The following SMYD3 variants were observed in gnomAD, a reference collection of about 807,000 sequenced individuals.
SMYD3 encodes the protein SET and MYND domain containing 3.
A neutral mutation model predicts 57.7 loss-of-function variants in SMYD3; 36 were observed. That is an observed-to-expected ratio of 0.62 (90% CI 0.48 to 0.82). The LOEUF (loss-of-function observed/expected upper bound fraction) is 0.82, where lower values mean the gene tolerates loss of function less well. Ranked by LOEUF, SMYD3 falls within the 40% of genes least tolerant of loss-of-function variation. SMYD3 has a pLI of 0.00. For missense variants in SMYD3, 515 were observed against 538.8 expected, an observed-to-expected ratio of 0.96 and a Z score of 0.44; for synonymous variants, 211 against 195.0, an observed-to-expected ratio of 1.08 and a Z score of -0.68.
intron 5 of SMYD3, among the ~76,000 whole-genome samples, chr1:246,312,519 T>C (rs2065096248): frequency 6.6e-6 from 1 of 152,162 alleles, no homozygotes; most frequent in Non-Finnish European, 1.5e-5. Flanking sequence ...GTATTCCTGA[T>C]ATTCCTGGCA....
In SMYD3 at chr1:246,144,945, C is replaced by T. The variant is rs568727745; in HGVS notation, c.531+182256G>A. Among the ~76,000 whole-genome samples the T allele has an allele frequency of 3.3e-5, 5 of 152,206 alleles. No individual in the cohort carries two copies. In the South Asian group the frequency reaches 1.0e-3, roughly 32 times the overall value. ...CAAAAAACTTCCAGAAAGTCAACTT[C>T]CCCACCGCCTCACGAAAGCATCCTA... On this transcript the variant is annotated intron_variant, in intron 5 of 11. Transcript: ENST00000490107.
chr1:246,155,695 T>C (rs2062011267), intron 5 of SMYD3, among the ~76,000 whole-genome samples: 1 of 152,094 alleles, frequency 6.6e-6, no homozygotes, highest in Non-Finnish European at 1.5e-5. Flanking sequence ...GAACTACACA[T>C]CTCGCCAGGT....
intron 5 of SMYD3, among the ~76,000 whole-genome samples, chr1:246,066,058 T>C (rs144436293): frequency 3.7e-4 from 56 of 152,316 alleles, no homozygotes; most frequent in East Asian, 2.5e-3. Context: ...CAAGAGAACA[T>C]AGAAGAAGGA....
At chr1:245,777,755 A>G (rs1313434288) in intron 10 of SMYD3, among the ~76,000 whole-genome samples, 1 of 152,210 alleles carries the variant, frequency 6.6e-6, no homozygotes, top group Non-Finnish European at 1.5e-5. Flanking sequence ...AAGAAGAAAA[A>G]GAATAAGACA....
At chr1:245,768,842 C>A (rs12402963) in intron 10 of SMYD3, among the ~76,000 whole-genome samples, 13,122 of 152,064 alleles carry the variant, frequency 0.086, 703 homozygotes, top group Admixed American at 0.16. Flanking sequence ...CCTGCTGGCA[C>A]CTTCATCTTG....
chr1:245,865,305 G>A (rs926992595), intron 8 of SMYD3, among the ~76,000 whole-genome samples: 5 of 152,126 alleles, frequency 3.3e-5, no homozygotes, highest in African/African-American at 1.2e-4. Flanking sequence ...GGCAATGAGA[G>A]GGCACACTGT....
In SMYD3 at chr1:246,059,166, G is replaced by A. The variant is rs184291270; in HGVS notation, c.532-129229C>T. 3.3e-5 allele frequency among the ~76,000 whole-genome samples: 5 copies of A among 152,222 alleles called. No individual in the cohort carries two copies. The East Asian group carries it at 5.8e-4, about 18-fold the overall frequency. Reference sequence around the variant, plus strand: ...GCTGGGATTAAAGGCGTGAGCCACCGCACCCGGCCCACAACTCCACATTTC... The same window carrying A: ...GCTGGGATTAAAGGCGTGAGCCACCACACCCGGCCCACAACTCCACATTTC... On this transcript the variant is annotated intron_variant, in intron 5 of 11. Transcript: ENST00000490107.
intron 5 of SMYD3, among the ~76,000 whole-genome samples, chr1:246,243,168 T>A (rs2063644471): frequency 6.6e-6 from 1 of 152,080 alleles, no homozygotes; most frequent in Admixed American, 6.6e-5. Flanking sequence ...CAGCACCACA[T>A]CGCACTTATT....
chr1:246,034,082 T>C (rs994654438), intron 5 of SMYD3, among the ~76,000 whole-genome samples: 1 of 152,222 alleles, frequency 6.6e-6, no homozygotes, highest in Non-Finnish European at 1.5e-5. Flanking sequence ...AAAAATTGCC[T>C]AGCACAGACA....
At chr1:245,829,485 A>T (rs968454088) in intron 10 of SMYD3, among the ~76,000 whole-genome samples, 1 of 152,170 alleles carries the variant, frequency 6.6e-6, no homozygotes, top group Non-Finnish European at 1.5e-5. Flanking sequence ...TGTAATAACA[A>T]GTGGTAGCAA....
intron 5 of SMYD3, among the ~76,000 whole-genome samples, chr1:246,044,014 GTTTA>G (rs1189934546): frequency 6.6e-6 from 1 of 152,126 alleles, no homozygotes; most frequent in East Asian, 1.9e-4. Flanking sequence ...TCCTGGTGTG[GTTTA>G]TTTTTCTCTC....
intron 5 of SMYD3, among the ~76,000 whole-genome samples, chr1:246,249,496 A>G (rs12069738): frequency 0.21 from 31,061 of 151,130 alleles, 3,887 homozygotes; most frequent in East Asian, 0.58. Flanking sequence ...ACAAAAATGC[A>G]CCCAGTATGG....
chr1:246,296,807 A>G (rs2064803100), intron 5 of SMYD3, among the ~76,000 whole-genome samples: 1 of 152,210 alleles, frequency 6.6e-6, no homozygotes, highest in Non-Finnish European at 1.5e-5. Context: ...ATAAACTCCT[A>G]TTTAAGTGAT....
At chr1:246,172,610 C>T (rs1476023929) in intron 5 of SMYD3, among the ~76,000 whole-genome samples, 1 of 148,960 alleles carries the variant, frequency 6.7e-6, no homozygotes, top group Non-Finnish European at 1.5e-5. Flanking sequence ...ATCAACACTA[C>T]ACACTTAGGC....
chr1:246,308,167 G>A (rs73142883), intron 5 of SMYD3, among the ~76,000 whole-genome samples: 6,080 of 152,196 alleles, frequency 0.04, 410 homozygotes, highest in African/African-American at 0.14. Flanking sequence ...TGCTTTCAAC[G>A]AATCTTCAAT....
chr1:246,347,764 ATAGAACT>A (rs1380752946), intron 2 of SMYD3, among the ~76,000 whole-genome samples: 1 of 152,092 alleles, frequency 6.6e-6, no homozygotes, highest in African/African-American at 2.4e-5. Flanking sequence ...CCATCTTAAT[ATAGAACT>A]TCCAGGCCTC....
chr1:246,436,253 G>C (rs1242774030), intron 1 of SMYD3, among the ~76,000 whole-genome samples: 2 of 150,172 alleles, frequency 1.3e-5, no homozygotes, highest in Non-Finnish European at 3.0e-5. Flanking sequence ...TTCCTTCATG[G>C]AAACATGGAC....
At chr1:246,125,076 A>ACAC (rs755500814) in intron 5 of SMYD3, among the ~76,000 whole-genome samples, 1 of 104,942 alleles carries the variant, frequency 9.5e-6, no homozygotes, top group Admixed American at 9.4e-5. Context: ...CGTCTCAAAA[A>ACAC]AAAAAAAAAA....
At chr1:246,204,147 A>C (rs1444186683) in intron 5 of SMYD3, among the ~76,000 whole-genome samples, 3 of 152,224 alleles carry the variant, frequency 2.0e-5, no homozygotes, top group Non-Finnish European at 2.9e-5. Flanking sequence ...ATATGCTGAT[A>C]ATAAAAACAG....
Sources: allele counts gnomAD v4.1 joint callset (sites outside exome capture counted in the v4.1 genomes callset), GRCh38; gene constraint gnomAD v4.1.1; transcripts MANE v1.5; gene names NCBI Gene and HGNC (gene_info 2026-07-23, HGNC 2026-07-21).